MAP4: variants seen among roughly 807,000 people sequenced by gnomAD.
MAP4 encodes microtubule-associated protein 4.
In MAP4, 76 loss-of-function variants were observed where a neutral mutation model predicts 170.2. That is an observed-to-expected ratio of 0.45 (90% CI 0.37 to 0.54). MAP4 has a LOEUF of 0.54. Ranked by LOEUF, MAP4 falls within the 20% of genes least tolerant of loss-of-function variation. The pLI is 0.00. For synonymous variants in MAP4, 909 were observed against 994.5 expected, an observed-to-expected ratio of 0.91 and a Z score of 1.62; for missense variants, 2,506 against 2,748.0, an observed-to-expected ratio of 0.91 and a Z score of 1.97.
chr3:47,930,915 C>T (rs1290632134), intron 3 of MAP4, among the ~76,000 whole-genome samples: 6 of 141,884 alleles, frequency 4.2e-5, no homozygotes, highest in Non-Finnish European at 7.5e-5. Flanking sequence ...GGTGACAGAG[C>T]GAGACTCTGT....
At chr3:47,969,542 T>G (rs190673210) in intron 3 of MAP4, among the ~76,000 whole-genome samples, 17 of 152,268 alleles carry the variant, frequency 1.1e-4, no homozygotes, top group Admixed American at 1.1e-3. Flanking sequence ...GTTAAGAGAA[T>G]CTTGCTTTGA....
intron 1 of MAP4, among the ~76,000 whole-genome samples, chr3:48,044,321 A>AT (rs1427006047): frequency 7.3e-6 from 1 of 136,956 alleles, no homozygotes; most frequent in Non-Finnish European, 1.6e-5. Context: ...CGCCCGGCTA[A>AT]TTTTTTTGTA....
At chr3:48,076,483 C>A (rs1259197554) in intron 1 of MAP4, among the ~76,000 whole-genome samples, 2 of 143,530 alleles carry the variant, frequency 1.4e-5, no homozygotes, top group African/African-American at 5.2e-5. Flanking sequence ...GCCTGGGTGA[C>A]AGAACGAGAC....
At position 47,916,356 on chromosome 3, in the gene MAP4, C is replaced by T. The variant is rs766292771; in HGVS notation, c.1471G>A (p.Asp491Asn). The change falls in exon 7 of 21, where the codon GAT becomes AAT. Residue 491 changes from aspartate (D) to asparagine (N), a missense_variant. Coordinates refer to ENST00000683076, the MANE Select transcript of MAP4 (RefSeq NM_001385682.1). Reference protein sequence around the residue: ...LPETEIAPAKDVAPSTVKEVG... With the variant: ...LPETEIAPAKNVAPSTVKEVG... ...TCTTTTACTGTGGACGGAGCCACAT[C>T]CTTGGCCGGGGCTATTTCTGTTTCT... 100 of 1,614,134 alleles carry T rather than the reference C, an allele frequency of 6.2e-5. No individual in the cohort carries two copies. In the South Asian group the frequency reaches 1.1e-3, roughly 17 times the overall value.
intron 10 of MAP4, among the ~76,000 whole-genome samples, chr3:47,888,398 G>A (rs955978419): frequency 5.3e-5 from 8 of 152,106 alleles, no homozygotes; most frequent in South Asian, 2.1e-4. Flanking sequence ...AACACTCACC[G>A]CGAAGATCTG....
Position 47,910,793 on chromosome 3 carries a change from T to C in MAP4, c.3628A>G (p.Lys1210Glu), listed in dbSNP as rs542614777. 6.5e-7 allele frequency: 1 copy of C among 1,536,152 alleles called. No homozygotes were observed. Among genetic ancestry groups the C allele is most frequent in the African/African-American group, 1.4e-5 (1 of 73,170 alleles). Residue 1210 changes from lysine to glutamate, a missense_variant, in exon 9 of 21, where the codon AAA becomes GAA. Lys to Glu is a moderately conservative substitution (Grantham distance 56). Transcript: ENST00000683076. ...EAAPWISEKP[K>E]KRGNEGKSKK... The stretch of plus-strand genomic sequence containing the variant: ...CTTTTGCCTTCATTGCCTCTCTTTT[T>C]AGGCTTTTCAGAAATCCAGGGAGCT...
At chr3:47,907,807 T>C (rs2100033952) in intron 9 of MAP4, among the ~76,000 whole-genome samples, 1 of 152,232 alleles carries the variant, frequency 6.6e-6, no homozygotes, top group South Asian at 2.1e-4. Flanking sequence ...GCCCTCTACA[T>C]ACTATTTCAT....
At chr3:47,918,032 G>C (rs1170369941) in intron 6 of MAP4, among the ~76,000 whole-genome samples, 1 of 151,986 alleles carries the variant, frequency 6.6e-6, no homozygotes, top group Non-Finnish European at 1.5e-5. Context: ...ACCCAGGCTG[G>C]AGTGCAGTGG....
At chr3:47,955,394 T>C (rs1250046463) in intron 3 of MAP4, among the ~76,000 whole-genome samples, 1 of 151,156 alleles carries the variant, frequency 6.6e-6, no homozygotes, top group Non-Finnish European at 1.5e-5. Context: ...CACAGAGATC[T>C]TGATCGCGTG....
At chr3:48,082,902 T>G (rs1344209564) in intron 1 of MAP4, among the ~76,000 whole-genome samples, 1 of 152,132 alleles carries the variant, frequency 6.6e-6, no homozygotes, top group Non-Finnish European at 1.5e-5. Context: ...TATGGTATTT[T>G]TCCCCAAAAT....
At chr3:47,905,547 A>AC (rs112677217) in intron 9 of MAP4, among the ~76,000 whole-genome samples, 48 of 148,994 alleles carry the variant, frequency 3.2e-4, no homozygotes, top group Middle Eastern at 3.5e-3. Flanking sequence ...AACAACAACA[A>AC]AAAAAAAAAA....
At chr3:48,006,500 C>T (rs895054056) in intron 1 of MAP4, among the ~76,000 whole-genome samples, 11 of 152,180 alleles carry the variant, frequency 7.2e-5, no homozygotes, top group African/African-American at 2.7e-4. Flanking sequence ...GTGGTCATTA[C>T]CCCAGTGCCA....
chr3:47,857,999 G>T (rs933867408), intron 17 of MAP4, among the ~76,000 whole-genome samples: 1 of 148,476 alleles, frequency 6.7e-6, no homozygotes, highest in Non-Finnish European at 1.5e-5. Context: ...TTACAGGCGT[G>T]AGCCACCACG....
chr3:48,025,292 CTTTT>C (rs35840095), intron 1 of MAP4, among the ~76,000 whole-genome samples: 1 of 137,186 alleles, frequency 7.3e-6, no homozygotes, highest in Non-Finnish European at 1.6e-5. Context: ...TACCTACACA[CTTTT>C]TTTTTTTTTT....
chr3:48,080,042 T>TG (rs1180093481), intron 1 of MAP4, among the ~76,000 whole-genome samples: 13 of 151,964 alleles, frequency 8.6e-5, no homozygotes, highest in Admixed American at 7.2e-4. Flanking sequence ...GAGAGGTAGC[T>TG]GGGGGAAAAG....
intron 1 of MAP4, among the ~76,000 whole-genome samples, chr3:48,032,768 CCT>C (rs1339781221): frequency 2.0e-5 from 3 of 152,064 alleles, no homozygotes; most frequent in African/African-American, 7.2e-5. Flanking sequence ...CTACAATTCC[CCT>C]GAGAAACTTA....
chr3:48,074,509 CTTT>C (rs1167906300), intron 1 of MAP4, among the ~76,000 whole-genome samples: 27 of 112,526 alleles, frequency 2.4e-4, no homozygotes, highest in African/African-American at 1.0e-3. Flanking sequence ...TATACACACA[CTTT>C]TTTTTTTTTT....
At chr3:47,940,400 T>C (rs947086840) in intron 3 of MAP4, among the ~76,000 whole-genome samples, 1 of 152,226 alleles carries the variant, frequency 6.6e-6, no homozygotes, top group African/African-American at 2.4e-5. Context: ...TTTTTTAGCA[T>C]ACTTGCAATC....
At chr3:48,036,682 C>T (rs1417563787) in intron 1 of MAP4, among the ~76,000 whole-genome samples, 1 of 152,104 alleles carries the variant, frequency 6.6e-6, no homozygotes, top group Non-Finnish European at 1.5e-5. Context: ...CAAAATAGAT[C>T]AAGAGCACTG....
Sources: allele counts gnomAD v4.1 joint callset (sites outside exome capture counted in the v4.1 genomes callset), GRCh38; gene constraint gnomAD v4.1.1; transcripts MANE v1.5; gene names NCBI Gene and HGNC (gene_info 2026-07-23, HGNC 2026-07-21).